The following IKZF3 variants were observed in gnomAD, a reference collection of about 807,000 sequenced individuals.
IKZF3 encodes the protein IKAROS family zinc finger 3, also known as zinc finger protein Aiolos.
IKZF3 carries 10 observed loss-of-function variants against 49.0 expected under a neutral mutation model. The observed-to-expected ratio is 0.20, with a 90% CI of 0.13 to 0.35. IKZF3 has a LOEUF of 0.35. Ranked by LOEUF, IKZF3 falls within the 10% of genes least tolerant of loss-of-function variation. The pLI is 1.00. For missense variants in IKZF3, 498 were observed against 664.8 expected (o/e 0.75, Z 2.76); for synonymous variants, 209 against 228.2 (o/e 0.92, Z 0.76).
At chr17:39,776,492 A>T (rs2060593271) in intron 7 of IKZF3, among the ~76,000 whole-genome samples, 1 of 152,198 alleles carries the variant, frequency 6.6e-6, no homozygotes, top group Non-Finnish European at 1.5e-5. Context: ...GGAGGAGGGG[A>T]TCTCCCTAAA....
intron 7 of IKZF3, among the ~76,000 whole-genome samples, chr17:39,774,009 T>A (rs7217133): frequency 0.077 from 11,738 of 151,678 alleles, 841 homozygotes; most frequent in African/African-American, 0.19. Flanking sequence ...GAAAAAAAAA[T>A]ATTTTTCTCC....
At chr17:39,836,139 G>A (rs1414766639) in intron 1 of IKZF3, 13 of 657,120 alleles carry the variant, frequency 2.0e-5, no homozygotes, top group South Asian at 6.5e-5. Flanking sequence ...GAGTGCACAC[G>A]GCCTGGATGT....
At chr17:39,799,301 C>T (rs2061257390) in intron 3 of IKZF3, among the ~76,000 whole-genome samples, 1 of 152,122 alleles carries the variant, frequency 6.6e-6, no homozygotes, top group African/African-American at 2.4e-5. Context: ...AACTGGCCCA[C>T]GGTACATGTG....
In IKZF3 at chr17:39,832,254, C is replaced by T; in HGVS notation, c.8-103G>A. 3 of 732,120 alleles carry T rather than the reference C, an allele frequency of 4.1e-6. No homozygotes were observed. The Admixed American group carries it at 7.3e-5, about 18-fold the overall frequency. The allele number at this position is 732,120 out of a possible 1,614,324, so 45.4% of individuals were successfully genotyped here. ...GATACCATTTCGGAAAACTTAACAG[C>T]AGAATTCCTCTTTCAGAGCAAGATT... On this transcript the variant is annotated intron_variant, in intron 1 of 7. Coordinates refer to ENST00000346872, the MANE Select transcript of IKZF3 (RefSeq NM_012481.5).
chr17:39,851,338 T>C (rs1374291591), intron 1 of IKZF3, among the ~76,000 whole-genome samples: 2 of 152,044 alleles, frequency 1.3e-5, no homozygotes, highest in African/African-American at 4.8e-5. Flanking sequence ...CACCTAGGTA[T>C]ATATTCAAGA....
intron 3 of IKZF3, among the ~76,000 whole-genome samples, chr17:39,800,755 C>T (rs1480787597): frequency 6.6e-6 from 1 of 152,124 alleles, no homozygotes; most frequent in African/African-American, 2.4e-5. Context: ...TGATGGTTAT[C>T]ACATGAAAGG....
At position 39,761,387 on chromosome 17, in the gene IKZF3, G is replaced by C. The variant is rs1007552793; in HGVS notation, c.*4403C>G. The C allele has an allele frequency of 6.6e-6, 1 of 151,730 alleles. No individual in the cohort carries two copies. The highest frequency in any genetic ancestry group is 2.4e-5 in the African/African-American group (1 of 41,260). 9.4% of individuals were successfully genotyped at this position (151,730 alleles called of 1,614,324 possible). A position where few individuals can be genotyped will look rare whatever the true frequency, so the allele number is the denominator to read the frequency against. Reference sequence around the variant, plus strand: ...ACTTCTATTTAGTTTTCTTTCCGTAGGAAGTACCGATGCAACACTTCAGGT... The same window carrying C: ...ACTTCTATTTAGTTTTCTTTCCGTACGAAGTACCGATGCAACACTTCAGGT... On this transcript the variant is annotated 3_prime_UTR_variant, in exon 8 of 8. Transcript: ENST00000346872.
intron 1 of IKZF3, among the ~76,000 whole-genome samples, chr17:39,832,835 G>A (rs2062152499): frequency 6.6e-6 from 1 of 151,988 alleles, no homozygotes. Flanking sequence ...AGTTAACAAC[G>A]ACGTATTATA....
At chr17:39,859,465 G>A (rs191207737) in intron 1 of IKZF3, among the ~76,000 whole-genome samples, 3 of 151,072 alleles carry the variant, frequency 2.0e-5, no homozygotes, top group African/African-American at 7.3e-5. Context: ...CATGGCTCAC[G>A]GTAGCCTCGA....
intron 3 of IKZF3, among the ~76,000 whole-genome samples, chr17:39,818,981 T>C (rs1158309522): frequency 6.6e-6 from 1 of 152,168 alleles, no homozygotes; most frequent in Admixed American, 6.5e-5. Flanking sequence ...AAGAACTGCA[T>C]GACACTCCTA....
At chr17:39,792,085 A>T (rs1292174794) in intron 4 of IKZF3, among the ~76,000 whole-genome samples, 1 of 151,874 alleles carries the variant, frequency 6.6e-6, no homozygotes, top group Non-Finnish European at 1.5e-5. Flanking sequence ...TTTTGAATAT[A>T]ATCTCCTTTG....
intron 7 of IKZF3, among the ~76,000 whole-genome samples, chr17:39,775,761 C>T (rs1387321048): frequency 6.6e-6 from 1 of 152,006 alleles, no homozygotes; most frequent in African/African-American, 2.4e-5. Context: ...CCTGTCTCTA[C>T]TAAAAATACA....
In IKZF3 at chr17:39,778,084, T is replaced by C. The variant is rs183154146; in HGVS notation, c.710-317A>G. ...TTGCAAAAAGATAGATAGATGGAGA[T>C]CTAACCCCCGATCAGCCTTCTTTCT... On this transcript the variant is annotated intron_variant, in intron 6 of 7. Coordinates refer to ENST00000346872, the MANE Select transcript of IKZF3 (RefSeq NM_012481.5). 1.2e-4 allele frequency: 125 copies of C among 1,022,870 alleles called. No individual in the cohort carries two copies. In the African/African-American group the frequency reaches 2.0e-3, roughly 17 times the overall value. 63.4% of individuals were successfully genotyped at this position (1,022,870 alleles called of 1,614,324 possible).
intron 6 of IKZF3, among the ~76,000 whole-genome samples, chr17:39,783,050 AACT>A (rs2060784108): frequency 6.6e-6 from 1 of 152,206 alleles, no homozygotes. Flanking sequence ...TTGGAGGTTT[AACT>A]ATGTAATTGT....
Position 39,766,062 on chromosome 17 carries a change from C to G in IKZF3, c.1258G>C (p.Glu420Gln), listed in dbSNP as rs751280086. The change falls in exon 8 of 8, where the codon GAG becomes CAG. Residue 420 changes from glutamate to glutamine, a missense_variant. Glu to Gln is a conservative substitution (Grantham distance 29). Coordinates refer to ENST00000346872, the MANE Select transcript of IKZF3 (RefSeq NM_012481.5). ...AGGAGTTCGTAAGAGCGGGGAACCTCCTTCAGAAGTGGCATCCCATTGCGG... is the reference window on the plus strand; with the variant it reads ...AGGAGTTCGTAAGAGCGGGGAACCTGCTTCAGAAGTGGCATCCCATTGCGG... ...RARNGMPLLKEVPRSYELLKP... is the reference protein window; with the variant it reads ...RARNGMPLLKQVPRSYELLKP... The G allele has an allele frequency of 1.9e-5, 30 of 1,614,022 alleles. No individual in the cohort carries two copies. The highest frequency in any genetic ancestry group is 1.6e-4 in the Middle Eastern group (1 of 6,084).
At chr17:39,828,304 C>T (rs888357705) in intron 3 of IKZF3, among the ~76,000 whole-genome samples, 1 of 152,174 alleles carries the variant, frequency 6.6e-6, no homozygotes, top group Non-Finnish European at 1.5e-5. Flanking sequence ...AGTTCCGTAC[C>T]TGTGTAACCC....
intron 1 of IKZF3, among the ~76,000 whole-genome samples, chr17:39,850,214 ATAT>A (rs1236413313): frequency 7.1e-6 from 1 of 140,526 alleles, no homozygotes; most frequent in Non-Finnish European, 1.5e-5. Context: ...ACTATATAAC[ATAT>A]TATGTATGTA....
chr17:39,820,484 AT>A (rs1014836803), intron 3 of IKZF3, among the ~76,000 whole-genome samples: 3 of 152,110 alleles, frequency 2.0e-5, no homozygotes, highest in Non-Finnish European at 4.4e-5. Flanking sequence ...TTTTCTTTCT[AT>A]TTCAATGAAC....
intron 1 of IKZF3, among the ~76,000 whole-genome samples, chr17:39,837,577 T>C (rs1366758949): frequency 1.3e-5 from 2 of 150,458 alleles, no homozygotes; most frequent in African/African-American, 2.4e-5. Flanking sequence ...CCTGGCCCAG[T>C]TTTTTTTTCC....
Sources: allele counts gnomAD v4.1 joint callset (sites outside exome capture counted in the v4.1 genomes callset), GRCh38; gene constraint gnomAD v4.1.1; transcripts MANE v1.5; gene names NCBI Gene and HGNC (gene_info 2026-07-23, HGNC 2026-07-21).